The following CNBD1 variants were observed in gnomAD, a reference collection of about 807,000 sequenced individuals.
The protein encoded by CNBD1 is cyclic nucleotide-binding domain-containing protein 1.
A neutral mutation model predicts 54.4 loss-of-function variants in CNBD1; 71 were observed. The observed-to-expected ratio is 1.30, with a 90% CI of 1.08 to 1.59. The LOEUF is 1.59. Ranked by LOEUF, CNBD1 falls within the 40% of genes most tolerant of loss-of-function variation. The pLI is 0.00. For synonymous variants in CNBD1, 182 were observed against 170.7 expected, an observed-to-expected ratio of 1.07 and a Z score of -0.51; for missense variants, 659 against 518.0, an observed-to-expected ratio of 1.27 and a Z score of -2.64.
At chr8:87,266,011 T>A (rs1563530293) in intron 6 of CNBD1, among the ~76,000 whole-genome samples, 1 of 152,098 alleles carries the variant, frequency 6.6e-6, no homozygotes, top group African/African-American at 2.4e-5. Flanking sequence ...ATTGAGCACT[T>A]AAGAAAAATA....
At chr8:87,314,786 C>A (rs1199164370) in intron 8 of CNBD1, among the ~76,000 whole-genome samples, 1 of 151,550 alleles carries the variant, frequency 6.6e-6, no homozygotes, top group Non-Finnish European at 1.5e-5. Flanking sequence ...ATGATAGCAC[C>A]CCAAATACTA....
chr8:87,385,269 G>T (rs1453143245), downstream of CNBD1, among the ~76,000 whole-genome samples: 2 of 152,052 alleles, frequency 1.3e-5, no homozygotes, highest in Admixed American at 1.3e-4. Context: ...TTGGACGGTG[G>T]GTGCAGGACA....
intron 4 of CNBD1, among the ~76,000 whole-genome samples, chr8:87,058,062 C>T (rs1810460482): frequency 6.6e-6 from 1 of 152,006 alleles, no homozygotes; most frequent in Non-Finnish European, 1.5e-5. Flanking sequence ...AGGAAATACA[C>T]CCATTCCAAA....
At chr8:86,965,733 G>A (rs1643482648) in intron 4 of CNBD1, among the ~76,000 whole-genome samples, 2 of 152,092 alleles carry the variant, frequency 1.3e-5, no homozygotes, top group South Asian at 2.1e-4. Flanking sequence ...CTGTATGCAG[G>A]AAGAAAGAGG....
At chr8:86,921,491 G>A (rs1385980427) in intron 3 of CNBD1, among the ~76,000 whole-genome samples, 2 of 152,130 alleles carry the variant, frequency 1.3e-5, no homozygotes, top group South Asian at 2.1e-4. Flanking sequence ...CTGAGACTTG[G>A]TAATTTTTAA....
At chr8:87,409,274 G>T (rs909734428) in intron 2 of CNBD1, among the ~76,000 whole-genome samples, 4 of 152,096 alleles carry the variant, frequency 2.6e-5, no homozygotes, top group African/African-American at 4.8e-5. Context: ...CTGAATAGAA[G>T]ATCAAATAAG....
chr8:87,420,414 C>A (rs1361714062), intron 2 of CNBD1, among the ~76,000 whole-genome samples: 1 of 151,992 alleles, frequency 6.6e-6, no homozygotes, highest in Non-Finnish European at 1.5e-5. Flanking sequence ...TTATGGCTAT[C>A]ATAATTACTG....
At chr8:86,958,534 T>C (rs1036304864) in intron 4 of CNBD1, among the ~76,000 whole-genome samples, 1 of 152,240 alleles carries the variant, frequency 6.6e-6, no homozygotes, top group Non-Finnish European at 1.5e-5. Context: ...CATATATATT[T>C]AGGGTAGTTA....
intron 2 of CNBD1, among the ~76,000 whole-genome samples, chr8:86,892,701 A>G (rs1808787643): frequency 1.3e-5 from 2 of 151,940 alleles, no homozygotes; most frequent in East Asian, 3.8e-4. Flanking sequence ...AGAGACAATT[A>G]TGATGATTTT....
chr8:87,160,056 C>A (rs1006369248), intron 4 of CNBD1, among the ~76,000 whole-genome samples: 1 of 151,686 alleles, frequency 6.6e-6, no homozygotes, highest in African/African-American at 2.4e-5. Context: ...TATATATACA[C>A]AGATGTGTTT....
chr8:87,420,876 C>T (rs1238353195), intron 2 of CNBD1, among the ~76,000 whole-genome samples: 1 of 151,544 alleles, frequency 6.6e-6, no homozygotes, highest in Non-Finnish European at 1.5e-5. Flanking sequence ...AAGGCCATGT[C>T]TTATGATCCT....
At chr8:86,918,741 C>G (rs1809225558) in intron 3 of CNBD1, among the ~76,000 whole-genome samples, 1 of 150,196 alleles carries the variant, frequency 6.7e-6, no homozygotes, top group Non-Finnish European at 1.5e-5. Context: ...ATTACCCAGT[C>G]TTGGGTATGT....
Position 87,401,222 on chromosome 8 carries a change from T to A in CNBD1, c.214-27324T>A, listed in dbSNP as rs186842436. ...TATTGAGGTTTTTAAGATAACCACA[T>A]TGAAATCAATAAATCTAAATCTCAC... On this transcript the variant is annotated intron_variant, in intron 2 of 7. Transcript: ENST00000521593. Among the ~76,000 whole-genome samples, 460 of 152,148 alleles carry A rather than the reference T, an allele frequency of 3.0e-3. 5 individuals are homozygous for A. Among genetic ancestry groups the A allele is most frequent in the African/African-American group, 9.9e-3 (413 of 41,554 alleles).
chr8:86,946,991 C>A (rs925246289), intron 4 of CNBD1, among the ~76,000 whole-genome samples: 2 of 152,010 alleles, frequency 1.3e-5, no homozygotes, highest in Admixed American at 6.6e-5. Context: ...TATGAAGAAC[C>A]ATTTTAGAGA....
At chr8:87,241,779 G>T (rs1271076735) in intron 6 of CNBD1, among the ~76,000 whole-genome samples, 1 of 151,998 alleles carries the variant, frequency 6.6e-6, no homozygotes, top group Non-Finnish European at 1.5e-5. Flanking sequence ...AAAACAAAAT[G>T]ATACTTATTT....
chr8:86,934,006 G>T (rs1809502074), intron 3 of CNBD1, among the ~76,000 whole-genome samples: 1 of 152,088 alleles, frequency 6.6e-6, no homozygotes, highest in East Asian at 1.9e-4. Flanking sequence ...TACTTGATAG[G>T]ATAAAAACAT....
intron 6 of CNBD1, among the ~76,000 whole-genome samples, chr8:87,252,284 A>G (rs1446281179): frequency 6.6e-6 from 1 of 152,154 alleles, no homozygotes. Context: ...AAGTATATAA[A>G]ATTTGTTGAC....
chr8:87,113,088 C>T (rs2943179), intron 4 of CNBD1, among the ~76,000 whole-genome samples: 28,255 of 152,072 alleles, frequency 0.19, 2,823 homozygotes, highest in Non-Finnish European at 0.21. Flanking sequence ...ATCTGGGCAT[C>T]GGTCAGTCAT....
chr8:87,327,447 A>G (rs370929651), intron 8 of CNBD1, among the ~76,000 whole-genome samples: 32 of 152,296 alleles, frequency 2.1e-4, no homozygotes, highest in Admixed American at 6.5e-4. Flanking sequence ...TGTGCTAGCA[A>G]TCAGCGAGAT....
Sources: gnomAD v4.1 joint callset for allele counts (sites outside exome capture counted in the v4.1 genomes callset) on GRCh38, gnomAD v4.1.1 for gene constraint, MANE v1.5 for transcripts, NCBI Gene and HGNC (gene_info 2026-07-23, HGNC 2026-07-21) for gene names.